The following SLC25A13 variants were observed in gnomAD, a reference collection of about 807,000 sequenced individuals.
The protein encoded by SLC25A13 is solute carrier family 25 member 13.
A neutral mutation model predicts 85.5 loss-of-function variants in SLC25A13; 70 were observed. The ratio of observed to expected loss-of-function variants is 0.82; its 90% CI spans 0.68 to 1.00. The LOEUF (loss-of-function observed/expected upper bound fraction) is 1.00. SLC25A13 is among the 50% of genes least tolerant of loss of function. The probability of loss-of-function intolerance (pLI) is 0.00; values close to 1 mark genes in which losing one functional copy is unlikely to be tolerated. For synonymous variants in SLC25A13, 259 were observed against 288.7 expected, an observed-to-expected ratio of 0.90 and a Z score of 1.04; for missense variants, 765 against 819.8, an observed-to-expected ratio of 0.93 and a Z score of 0.82.
At chr7:96,238,625 G>GC (rs1424586402) in intron 3 of SLC25A13, among the ~76,000 whole-genome samples, 1 of 151,996 alleles carries the variant, frequency 6.6e-6, no homozygotes, top group Non-Finnish European at 1.5e-5. Context: ...TCACCGACAG[G>GC]CCCGCCACAC....
intron 15 of SLC25A13, among the ~76,000 whole-genome samples, chr7:96,126,518 T>G (rs1417803752): frequency 1.3e-5 from 2 of 152,200 alleles, no homozygotes; most frequent in East Asian, 3.8e-4. Flanking sequence ...CTGGCAATCC[T>G]GAAGAAAGTA....
chr7:96,219,840 A>C (rs528132921), intron 4 of SLC25A13: 1 of 426,418 alleles, frequency 2.3e-6, no homozygotes, highest in East Asian at 6.2e-5. Flanking sequence ...CTGTGAGTCA[A>C]CAACAACAAC....
chr7:96,201,399 C>T (rs1483770771), intron 5 of SLC25A13, among the ~76,000 whole-genome samples: 1 of 151,534 alleles, frequency 6.6e-6, no homozygotes, highest in African/African-American at 2.4e-5. Context: ...GTAATCCCAC[C>T]TACTCCAGAG....
In SLC25A13 at chr7:96,134,163, T is replaced by A. The variant is rs1029028882; in HGVS notation, c.1453-2282A>T. Among the ~76,000 whole-genome samples, 10 of 151,664 alleles carry A rather than the reference T, an allele frequency of 6.6e-5. No homozygotes were observed. In the East Asian group the frequency reaches 1.8e-3, roughly 27 times the overall value. On this transcript the variant is annotated intron_variant, in intron 14 of 17. Transcript: ENST00000265631. ...TACTTCAGCCTCCTGGCCTCCTGAGTAGCTGGGACTACAGGTGCCTGCCAC... is the reference window on the plus strand; with the variant it reads ...TACTTCAGCCTCCTGGCCTCCTGAGAAGCTGGGACTACAGGTGCCTGCCAC...
At position 96,209,169 on chromosome 7, in the gene SLC25A13, C is replaced by T. The variant is rs555430196; in HGVS notation, c.329-192G>A. Among the ~76,000 whole-genome samples the T allele has an allele frequency of 2.0e-5, 3 of 152,100 alleles. No individual in the cohort carries two copies. The South Asian group carries it at 6.2e-4, about 32-fold the overall frequency. ...CAGTTAAGAAATCAAGGTCAAGAAT[C>T]CCACCAAATAAAATAAAGGGGGGGA... On this transcript the variant is annotated intron_variant, in intron 4 of 17. Coordinates refer to ENST00000265631, the MANE Select transcript of SLC25A13 (RefSeq NM_014251.3).
intron 2 of SLC25A13, among the ~76,000 whole-genome samples, chr7:96,291,700 C>A (rs1284141746): frequency 6.6e-6 from 1 of 152,156 alleles, no homozygotes; most frequent in African/African-American, 2.4e-5. Context: ...AATTCGTCGA[C>A]ACATACACCC....
At chr7:96,242,747 A>G (rs1797041856) in intron 3 of SLC25A13, among the ~76,000 whole-genome samples, 1 of 152,238 alleles carries the variant, frequency 6.6e-6, no homozygotes, top group Non-Finnish European at 1.5e-5. Context: ...ATAACCTGGA[A>G]GCCTTCGCCC....
At chr7:96,204,029 G>A (rs912920491) in intron 5 of SLC25A13, among the ~76,000 whole-genome samples, 21 of 152,156 alleles carry the variant, frequency 1.4e-4, no homozygotes, top group African/African-American at 4.8e-4. Context: ...CTAAGCTCTA[G>A]AACAGCTGCT....
At chr7:96,168,098 GA>G (rs543491037) in intron 13 of SLC25A13, among the ~76,000 whole-genome samples, 31 of 19,714 alleles carry the variant, frequency 1.6e-3, no homozygotes, top group South Asian at 4.5e-3. Context: ...AACTCTGTCT[GA>G]AAAAAAAAAA....
chr7:96,184,587 T>A, intron 10 of SLC25A13, 152 bp from the exon 11 acceptor site: 2 of 731,982 alleles, frequency 2.7e-6, no homozygotes, highest in Non-Finnish European at 4.5e-6. Flanking sequence ...CTTATATCTT[T>A]AATAAACAAT....
chr7:96,135,858 GTT>G (rs57884645), intron 14 of SLC25A13, among the ~76,000 whole-genome samples: 1,467 of 132,942 alleles, frequency 0.011, 14 homozygotes, highest in South Asian at 0.031. Flanking sequence ...TCCTGCTTTG[GTT>G]TTTTTTTTTT....
In SLC25A13 at chr7:96,194,663, T is replaced by C. The variant is rs74741003; in HGVS notation, c.469-1480A>G. 3.1e-3 allele frequency among the ~76,000 whole-genome samples: 478 copies of C among 152,228 alleles called. 3 individuals are homozygous for C. The highest frequency in any genetic ancestry group is 0.011 in the African/African-American group (443 of 41,526). On this transcript the variant is annotated intron_variant, in intron 5 of 17. Transcript: ENST00000265631. ...GAAATGACATGAGTCTGATACTGCT[T>C]TAAAGTACTCGATCTTCCTTTCCTT...
chr7:96,148,490 C>G (rs1383922725), intron 13 of SLC25A13, among the ~76,000 whole-genome samples: 1 of 152,172 alleles, frequency 6.6e-6, no homozygotes. Flanking sequence ...TTGAAACACA[C>G]CTAACCAAGT....
chr7:96,279,276 T>C lies in SLC25A13; in HGVS notation c.70-1938A>G, dbSNP rs753424208. On this transcript the variant is annotated intron_variant, in intron 2 of 17. Coordinates refer to ENST00000265631, the MANE Select transcript of SLC25A13 (RefSeq NM_014251.3). Reference sequence around the variant, plus strand: ...TGATATTTTTATATAATTGAGTGTATAGAATTTTTTTCTCCTTTGAAATTT... The same window carrying C: ...TGATATTTTTATATAATTGAGTGTACAGAATTTTTTTCTCCTTTGAAATTT... 2.6e-5 allele frequency among the ~76,000 whole-genome samples: 4 copies of C among 152,234 alleles called. No individual in the cohort carries two copies. In the South Asian group the frequency reaches 6.2e-4, roughly 24 times the overall value.
intron 3 of SLC25A13, among the ~76,000 whole-genome samples, chr7:96,257,960 C>T (rs1286975953): frequency 1.3e-5 from 2 of 152,098 alleles, no homozygotes; most frequent in African/African-American, 4.8e-5. Flanking sequence ...GAACCAATGA[C>T]AAAAACCACA....
At position 96,120,870 on chromosome 7, in the gene SLC25A13, T is replaced by C. The variant is rs1303783407; in HGVS notation, c.*321A>G. The C allele has an allele frequency of 2.0e-6, 1 of 489,484 alleles. No homozygotes were observed. The highest frequency in any genetic ancestry group is 4.0e-6 in the Non-Finnish European group (1 of 250,544). 30.3% of individuals were successfully genotyped at this position (489,484 alleles called of 1,614,324 possible). ...AGTAGCCTCTTTGGGACTACAATCC[T>C]AGTTCAAGGAGGGGAGTACTAATTT... On this transcript the variant is annotated 3_prime_UTR_variant, in exon 18 of 18. Transcript: ENST00000265631.
At chr7:96,184,675 A>C (rs1435878184) in intron 10 of SLC25A13, 3 of 629,092 alleles carry the variant, frequency 4.8e-6, no homozygotes, top group African/African-American at 1.8e-5. Flanking sequence ...CTACAGCCCA[A>C]CCTCATTAGT....
intron 14 of SLC25A13, 61 bp from the exon 15 acceptor site, chr7:96,131,942 C>T: frequency 3.7e-6 from 6 of 1,609,910 alleles, no homozygotes; most frequent in Non-Finnish European, 5.1e-6. Context: ...GGAGATCAAG[C>T]TTCTCTGGAA....
chr7:96,121,511 G>T, intron 17 of SLC25A13, 134 bp from the exon 18 acceptor site: 1 of 1,375,282 alleles, frequency 7.3e-7, no homozygotes. Context: ...TGTTCCCCTT[G>T]GAAATGACCT....
Sources: allele counts gnomAD v4.1 joint callset (sites outside exome capture counted in the v4.1 genomes callset), GRCh38; gene constraint gnomAD v4.1.1; transcripts MANE v1.5; gene names NCBI Gene and HGNC (gene_info 2026-07-23, HGNC 2026-07-21).